KIAA2012: variants seen among roughly 807,000 people sequenced by gnomAD.
The protein encoded by KIAA2012 is KIAA2012, also known as uncharacterized protein KIAA2012.
Under a neutral mutation model 150.6 loss-of-function variants are expected in KIAA2012, and 125 were observed. The observed-to-expected ratio is 0.83, with a 90% CI of 0.72 to 0.96. The LOEUF (loss-of-function observed/expected upper bound fraction) is 0.96, where lower values mean the gene tolerates loss of function less well. KIAA2012 is among the 40% of genes least tolerant of loss of function. The pLI is 0.00. For synonymous variants in KIAA2012, 462 were observed against 504.7 expected (o/e 0.92, Z 1.13); for missense variants, 1,219 against 1,354.9 (o/e 0.90, Z 1.57).
chr2:202,103,565 G>A (rs992704469), intron 8 of KIAA2012, among the ~76,000 whole-genome samples: 1 of 152,136 alleles, frequency 6.6e-6, no homozygotes, highest in Non-Finnish European at 1.5e-5. Flanking sequence ...GTAAGTACTG[G>A]ATTTAGCTGA....
intron 7 of KIAA2012, 147 bp from the exon 8 acceptor site, chr2:202,102,799 G>A (rs1032565755): frequency 4.1e-6 from 3 of 727,236 alleles, no homozygotes; most frequent in Non-Finnish European, 6.6e-6. Context: ...CACCACTGAA[G>A]TCAGATACCG....
intron 16 of KIAA2012, among the ~76,000 whole-genome samples, chr2:202,185,460 T>A (rs575132136): frequency 4.6e-4 from 70 of 152,246 alleles, no homozygotes; most frequent in South Asian, 4.0e-3. Context: ...ATGTAAGGAT[T>A]CCCTCCTAGG....
rs925820122 is a variant in KIAA2012, at chr2:202,104,052, G to T, written c.1324+938G>T. Among the ~76,000 whole-genome samples the T allele has an allele frequency of 6.6e-6, 1 of 152,158 alleles. No individual in the cohort carries two copies. Among genetic ancestry groups the T allele is most frequent in the African/African-American group, 2.4e-5 (1 of 41,432 alleles). ...TGGGAATCACACAGGCAGCCATTTT[G>T]TTCTAAGCCTGTTTGGACTTCTTAC... is the stretch of plus-strand genomic sequence containing the variant. On this transcript the variant is annotated intron_variant, in intron 8 of 23. Transcript: ENST00000498697. The surrounding 1 kb of genome is among the most constrained non-coding windows in gnomAD (Gnocchi z 4.3).
At chr2:202,092,692 A>G (rs1689755185) in intron 3 of KIAA2012, among the ~76,000 whole-genome samples, 1 of 152,082 alleles carries the variant, frequency 6.6e-6, no homozygotes, top group Non-Finnish European at 1.5e-5. Flanking sequence ...AGCAAATAGG[A>G]TACATCCACT....
At chr2:202,089,447 T>C (rs537423931) in intron 2 of KIAA2012, among the ~76,000 whole-genome samples, 1 of 152,354 alleles carries the variant, frequency 6.6e-6, no homozygotes, top group East Asian at 1.9e-4. Context: ...TTTGATGAGA[T>C]GGTCAGTTAC....
In KIAA2012 at chr2:202,073,645, C is replaced by T; in HGVS notation, c.18C>T (p.Leu6=). MFTLS[L]LSRGHGKLGQ... The stretch of plus-strand genomic sequence containing the variant: ...AGGGAAACATGTTCACGCTCTCCCT[C>T]CTGAGCCGGGGCCACGGGAAGCTGG... The change falls in exon 1 of 24, where the codon CTC becomes CTT. Residue 6 remains leucine (L), a synonymous_variant. Coordinates refer to ENST00000498697, the MANE Select transcript of KIAA2012 (RefSeq NM_001277372.4). The T allele has an allele frequency of 1.3e-6, 2 of 1,550,438 alleles. No individual in the cohort carries two copies. Among genetic ancestry groups the T allele is most frequent in the South Asian group, 2.4e-5 (2 of 84,042 alleles).
intron 21 of KIAA2012, among the ~76,000 whole-genome samples, chr2:202,196,438 G>T (rs988332172): frequency 6.6e-6 from 1 of 151,116 alleles, no homozygotes; most frequent in Non-Finnish European, 1.5e-5. Context: ...CTCGTGATCC[G>T]CCCGCCTCGG....
intron 12 of KIAA2012, among the ~76,000 whole-genome samples, chr2:202,132,803 T>TATA (rs200904433): frequency 3.2e-4 from 22 of 68,768 alleles, no homozygotes; most frequent in African/African-American, 8.5e-4. Flanking sequence ...TATATATATA[T>TATA]TTTTTTTTTC....
chr2:202,180,032 G>T, intron 15 of KIAA2012: 1 of 454,672 alleles, frequency 2.2e-6, no homozygotes, highest in African/African-American at 2.0e-5. Context: ...AGCACTTTGG[G>T]AGGCTAAGGT....
intron 14 of KIAA2012, among the ~76,000 whole-genome samples, chr2:202,162,798 C>T (rs1174132149): frequency 5.3e-5 from 8 of 151,046 alleles, no homozygotes; most frequent in African/African-American, 1.7e-4. Flanking sequence ...GGCGTGGTGG[C>T]GGGCGCCTAT....
chr2:202,173,809 G>A (rs1317598873), intron 15 of KIAA2012, among the ~76,000 whole-genome samples: 1 of 152,028 alleles, frequency 6.6e-6, no homozygotes, highest in African/African-American at 2.4e-5. Flanking sequence ...CATCTCAATA[G>A]ATGCAAAAGG....
At chr2:202,121,234 C>T (rs1690646492) in intron 11 of KIAA2012, among the ~76,000 whole-genome samples, 1 of 152,170 alleles carries the variant, frequency 6.6e-6, no homozygotes, top group Admixed American at 6.5e-5. Flanking sequence ...GATCGGCCTG[C>T]CTGCCTACCT....
chr2:202,077,105 C>T (rs1191528594), intron 2 of KIAA2012: 1 of 444,002 alleles, frequency 2.3e-6, no homozygotes. Context: ...TCCAGGTGAC[C>T]CCACCAGCTC....
rs1229172545 is a variant in KIAA2012, at chr2:202,093,080, A to G, written c.580A>G (p.Lys194Glu). Residue 194 changes from lysine (K) to glutamate (E), a missense_variant, in exon 4 of 24, where the codon AAG becomes GAG. Lys to Glu is a moderately conservative substitution (Grantham distance 56). Coordinates refer to ENST00000498697, the MANE Select transcript of KIAA2012 (RefSeq NM_001277372.4). ...CCAGGACAGTCAACTTAATGTACCAAAGAAGCTCAGGCCACAACAAGATCT... is the reference window on the plus strand; with the variant it reads ...CCAGGACAGTCAACTTAATGTACCAGAGAAGCTCAGGCCACAACAAGATCT... The part of the protein sequence containing the change: ...LLQDSQLNVP[K>E]KLRPQQDLSG... 1 of 1,550,686 alleles carries G rather than the reference A, an allele frequency of 6.4e-7. No individual in the cohort carries two copies. The highest frequency in any genetic ancestry group is 1.7e-4 in the Middle Eastern group (1 of 6,016).
intron 11 of KIAA2012, among the ~76,000 whole-genome samples, chr2:202,121,186 C>G (rs1184200863): frequency 6.6e-6 from 1 of 152,180 alleles, no homozygotes; most frequent in Non-Finnish European, 1.5e-5. Context: ...TATTAGGAAC[C>G]AGGGTGCTCA....
intron 11 of KIAA2012, chr2:202,115,000 A>G (rs1690478854): frequency 6.0e-6 from 1 of 167,222 alleles, no homozygotes; most frequent in Admixed American, 6.6e-5. Flanking sequence ...GTTGCTCAAG[A>G]AGGTGGTGAA....
chr2:202,084,802 T>C (rs1689526152), intron 2 of KIAA2012, among the ~76,000 whole-genome samples: 1 of 152,182 alleles, frequency 6.6e-6, no homozygotes. Flanking sequence ...TTTAGAAATA[T>C]AATCTATATC....
At chr2:202,084,373 G>T (rs1165577248) in intron 2 of KIAA2012, among the ~76,000 whole-genome samples, 2 of 152,170 alleles carry the variant, frequency 1.3e-5, no homozygotes, top group Non-Finnish European at 2.9e-5. Flanking sequence ...TGCGGGGGAA[G>T]GGACAGTTAC....
chr2:202,188,191 C>G lies in KIAA2012; in HGVS notation c.2416C>G (p.Pro806Ala). 5 of 1,550,596 alleles carry G rather than the reference C, an allele frequency of 3.2e-6. No homozygotes were observed. The South Asian group carries it at 4.8e-5, about 15-fold the overall frequency. ...LINEAKRKEK[P>A]KKDKTKGPKS... ...TAACGAGGCCAAGAGAAAGGAAAAA[C>G]CCAAGAAAGACAAAACCAAAGGACC... Residue 806 changes from proline to alanine, a missense_variant, in exon 18 of 24, where the codon CCC becomes GCC. Physicochemically the swap from Pro to Ala is conservative, Grantham distance 27. Transcript: ENST00000498697.
Sources: allele counts gnomAD v4.1 joint callset (sites outside exome capture counted in the v4.1 genomes callset), GRCh38; gene constraint gnomAD v4.1.1; non-coding constraint Gnocchi (gnomAD v3.1); transcripts MANE v1.5; gene names NCBI Gene and HGNC (gene_info 2026-07-23, HGNC 2026-07-21).